FRMD4A: variants seen among roughly 807,000 people sequenced by gnomAD.
FRMD4A encodes the protein FERM domain containing 4A.
A neutral mutation model predicts 129.1 loss-of-function variants in FRMD4A; 29 were observed. The observed-to-expected ratio is 0.22, with a 90% CI of 0.17 to 0.31. The LOEUF (loss-of-function observed/expected upper bound fraction) is 0.31, where lower values mean the gene tolerates loss of function less well. Ranked by LOEUF, FRMD4A falls within the 10% of genes least tolerant of loss-of-function variation. The probability of loss-of-function intolerance (pLI) is 1.00; values close to 1 mark genes in which losing one functional copy is unlikely to be tolerated. For missense variants in FRMD4A, 1,272 were observed against 1,375.8 expected, an observed-to-expected ratio of 0.92 and a Z score of 1.19; for synonymous variants, 634 against 571.6, an observed-to-expected ratio of 1.11 and a Z score of -1.56.
chr10:14,062,506 T>C (rs2457841), intron 2 of FRMD4A, among the ~76,000 whole-genome samples: 1,904 of 152,296 alleles, frequency 0.013, 43 homozygotes, highest in African/African-American at 0.042. Flanking sequence ...TTTATACTAA[T>C]GGTGAAACCG....
intron 2 of FRMD4A, among the ~76,000 whole-genome samples, chr10:14,243,212 T>A (rs1218394): frequency 6.6e-6 from 1 of 151,726 alleles, no homozygotes; most frequent in South Asian, 2.1e-4. Context: ...CTCTGTGTCC[T>A]CATCCAAATT....
intron 2 of FRMD4A, among the ~76,000 whole-genome samples, chr10:13,966,247 T>C (rs183045533): frequency 2.6e-5 from 4 of 152,224 alleles, no homozygotes; most frequent in African/African-American, 9.6e-5. Flanking sequence ...GGTCTCGAAC[T>C]CCTGACCTCA....
At chr10:13,909,591 A>G (rs755732496) in intron 2 of FRMD4A, among the ~76,000 whole-genome samples, 120 of 152,372 alleles carry the variant, frequency 7.9e-4, no homozygotes, top group Non-Finnish European at 1.3e-3. Context: ...GCTTATTTAA[A>G]AGATGAGTTA....
In FRMD4A at chr10:13,762,611, A is replaced by G; in HGVS notation, c.441+13T>C. On this transcript the variant is annotated intron_variant, in intron 7 of 24. Coordinates refer to ENST00000357447, the MANE Select transcript of FRMD4A (RefSeq NM_018027.5). ...GGCCGTGGGACATAAAGAGGAGGAG[A>G]AAAACAACTTACCTGTAAAATATAG... The G allele has an allele frequency of 2.6e-6, 4 of 1,522,766 alleles. No homozygotes were observed. Among genetic ancestry groups the G allele is most frequent in the Non-Finnish European group, 3.6e-6 (4 of 1,096,950 alleles). The allele number at this position is 1,522,766 out of a possible 1,614,324, so 94.3% of individuals were successfully genotyped here.
At chr10:13,872,413 A>C (rs1185822872) in intron 2 of FRMD4A, among the ~76,000 whole-genome samples, 1 of 152,252 alleles carries the variant, frequency 6.6e-6, no homozygotes, top group Non-Finnish European at 1.5e-5. Context: ...ACTGGTTCCC[A>C]GGGCCATCCT....
At chr10:13,703,560 T>C (rs894462999) in intron 13 of FRMD4A, among the ~76,000 whole-genome samples, 1 of 152,190 alleles carries the variant, frequency 6.6e-6, no homozygotes, top group African/African-American at 2.4e-5. Flanking sequence ...ATCCTATTAC[T>C]GCAGTTCTGA....
chr10:14,160,917 C>T (rs577862297), intron 2 of FRMD4A, among the ~76,000 whole-genome samples: 4 of 152,162 alleles, frequency 2.6e-5, no homozygotes, highest in East Asian at 3.9e-4. Flanking sequence ...TTGGTAGGAA[C>T]GTAGATTAGT....
chr10:14,282,492 C>T (rs1239599619), intron 2 of FRMD4A, among the ~76,000 whole-genome samples: 1 of 152,124 alleles, frequency 6.6e-6, no homozygotes, highest in Non-Finnish European at 1.5e-5. Context: ...GCAACAACAG[C>T]TCAGCAGCTT....
chr10:14,198,114 C>T (rs961820290), intron 2 of FRMD4A, among the ~76,000 whole-genome samples: 4 of 152,214 alleles, frequency 2.6e-5, no homozygotes, highest in African/African-American at 7.2e-5. Context: ...TCTCCCAGAG[C>T]GTATTAGCTG....
intron 2 of FRMD4A, among the ~76,000 whole-genome samples, chr10:14,159,313 A>G (rs1182650762): frequency 1.3e-5 from 2 of 152,250 alleles, no homozygotes; most frequent in African/African-American, 2.4e-5. Flanking sequence ...CAGCATTTCT[A>G]TATGCCAATA....
chr10:13,747,044 G>A (rs192124882), intron 9 of FRMD4A, among the ~76,000 whole-genome samples: 88 of 152,172 alleles, frequency 5.8e-4, no homozygotes, highest in African/African-American at 2.1e-3. Context: ...GTTCTCCCAC[G>A]TCTCAAAACC....
intron 2 of FRMD4A, among the ~76,000 whole-genome samples, chr10:13,860,152 T>C (rs2094274026): frequency 6.6e-6 from 1 of 152,230 alleles, no homozygotes; most frequent in Non-Finnish European, 1.5e-5. Context: ...ACTGTCTTGC[T>C]GCACTCTAAA....
chr10:14,032,110 C>T (rs1285803502), intron 2 of FRMD4A, among the ~76,000 whole-genome samples: 5 of 152,178 alleles, frequency 3.3e-5, no homozygotes, highest in Admixed American at 3.3e-4. Context: ...CTGGCTCTAA[C>T]AAGTATTTAA....
intron 2 of FRMD4A, among the ~76,000 whole-genome samples, chr10:13,896,062 C>T (rs913663105): frequency 6.6e-6 from 1 of 152,148 alleles, no homozygotes; most frequent in African/African-American, 2.4e-5. Context: ...TGCTTTTACG[C>T]TGTTGGTGGG....
intron 2 of FRMD4A, among the ~76,000 whole-genome samples, chr10:14,220,162 C>T (rs997793029): frequency 1.3e-5 from 2 of 152,170 alleles, no homozygotes; most frequent in Non-Finnish European, 2.9e-5. Flanking sequence ...TTCTAAATGA[C>T]GAAACTGTTC....
At chr10:13,958,491 G>A (rs1260311842) in intron 2 of FRMD4A, among the ~76,000 whole-genome samples, 1 of 151,940 alleles carries the variant, frequency 6.6e-6, no homozygotes, top group Non-Finnish European at 1.5e-5. Context: ...CACCGTGTTA[G>A]CCAGGATGGT....
chr10:13,940,435 A>G (rs533705144), intron 2 of FRMD4A, among the ~76,000 whole-genome samples: 1 of 152,158 alleles, frequency 6.6e-6, no homozygotes, highest in Non-Finnish European at 1.5e-5. Context: ...TGTTGTGTTG[A>G]TTTCATACTC....
chr10:14,106,886 A>G (rs1837616029), intron 2 of FRMD4A, among the ~76,000 whole-genome samples: 1 of 130,984 alleles, frequency 7.6e-6, no homozygotes, highest in Non-Finnish European at 1.7e-5. Context: ...TCTAGCAAAA[A>G]TACACCTACA....
At chr10:13,784,573 C>A (rs1244648801) in intron 5 of FRMD4A, among the ~76,000 whole-genome samples, 2 of 152,170 alleles carry the variant, frequency 1.3e-5, no homozygotes, top group Non-Finnish European at 2.9e-5. Context: ...CTTTTAGATT[C>A]CACTGGGAAA....
Sources: allele counts gnomAD v4.1 joint callset (sites outside exome capture counted in the v4.1 genomes callset), GRCh38; gene constraint gnomAD v4.1.1; transcripts MANE v1.5; gene names NCBI Gene and HGNC (gene_info 2026-07-23, HGNC 2026-07-21).